TRAPPC2: variants seen among roughly 807,000 people sequenced by gnomAD.
TRAPPC2 encodes sedlin.
Under a neutral mutation model 10.0 loss-of-function variants are expected in TRAPPC2, and 4 were observed. The ratio of observed to expected loss-of-function variants is 0.40; its 90% CI spans 0.20 to 0.92. The LOEUF (loss-of-function observed/expected upper bound fraction) is 0.92, where lower values mean the gene tolerates loss of function less well. Among genes scored for constraint, TRAPPC2 ranks in the 40% least tolerant of loss-of-function variants. TRAPPC2 has a pLI of 0.35. For synonymous variants in TRAPPC2, 36 were observed against 37.3 expected (o/e 0.97, Z 0.12); for missense variants, 52 against 108.7 (o/e 0.48, Z 2.32).
In TRAPPC2 at chrX:13,715,874, T is replaced by G. The variant is rs759053334; in HGVS notation, c.324+130A>C. 16 of 1,029,676 alleles carry G rather than the reference T, an allele frequency of 1.6e-5. No individual in the cohort carries two copies. The African/African-American group carries it at 2.5e-4, about 16-fold the overall frequency. The allele number at this position is 1,029,676 out of a possible 1,213,427, so 84.9% of individuals were successfully genotyped here. ...TACCTGCGGAGGGAGTTGCCAGAGA[T>G]AGTTCTGATGGGGGAAAGCTAGTCT... On this transcript the variant is annotated intron_variant, in intron 5 of 5. Transcript: ENST00000380579.
Position 13,716,028 on chromosome X carries a change from A to G in TRAPPC2, c.300T>C (p.Thr100=). 5.9e-6 allele frequency: 7 copies of G among 1,192,349 alleles called. No homozygotes were observed. Among genetic ancestry groups the G allele is most frequent in the Non-Finnish European group, 7.9e-6 (7 of 882,664 alleles). The change falls in exon 5 of 6, where the codon ACT becomes ACC. Residue 100 remains threonine, a synonymous_variant. Transcript: ENST00000380579. ...RQEDGIKNFF[T]DVYDLYIKFS... is the part of the protein sequence containing the mutation. ...CCTTTATATATAAATCATAAACATC[A>G]GTAAAGAAGTTCTTTATTCCATCTT...
rs773232484 is a variant in TRAPPC2, at chrX:13,729,366, A to G, written c.-20+4678T>C. ...TCAAACTATACTACAAGGCTACAGT[A>G]ACCAAAACAGCATGGTACTGGTACC... is the stretch of plus-strand genomic sequence containing the variant. On this transcript the variant is annotated intron_variant, in intron 2 of 5. Transcript: ENST00000380579. Among the ~76,000 whole-genome samples the G allele has an allele frequency of 7.1e-5, 8 of 112,271 alleles. No individual in the cohort carries two copies. In the South Asian group the frequency reaches 2.6e-3, roughly 36 times the overall value.
In TRAPPC2 at chrX:13,712,397, A is replaced by G. The variant is rs2046230902; in HGVS notation, c.*2010T>C. 1.8e-5 allele frequency: 2 copies of G among 112,444 alleles called. No individual in the cohort carries two copies. The highest frequency in any genetic ancestry group is 9.4e-5 in the Admixed American group (1 of 10,599). The allele number at this position is 112,444 out of a possible 1,213,427, so 9.3% of individuals were successfully genotyped here. On this transcript the variant is annotated 3_prime_UTR_variant, in exon 6 of 6. Coordinates refer to ENST00000380579, the MANE Select transcript of TRAPPC2 (RefSeq NM_001011658.4). ...GCTCCCAATTAGCACAGGCTGTATT[A>G]CTTGCTTTTCAATGGACATTTACTA...
rs777240291 is a variant in TRAPPC2, at chrX:13,713,861, C to T, written c.*546G>A. 3.4e-4 allele frequency: 37 copies of T among 107,875 alleles called. No homozygotes were observed. The highest frequency in any genetic ancestry group is 1.2e-3 in the African/African-American group (36 of 29,604). The allele number at this position is 107,875 out of a possible 1,213,427, so 8.9% of individuals were successfully genotyped here. ...TCCCAATTTTTAAGTAAAAATATTT[C>T]ATGGTTGGGCACGGTGGCTCACGCC... is the stretch of plus-strand genomic sequence containing the variant. On this transcript the variant is annotated 3_prime_UTR_variant, in exon 6 of 6. Transcript: ENST00000380579.
At chrX:13,732,570 G>C (rs2046698371) in intron 2 of TRAPPC2, among the ~76,000 whole-genome samples, 1 of 112,534 alleles carries the variant, frequency 8.9e-6, no homozygotes, top group South Asian at 3.6e-4. Flanking sequence ...TATGAATTTG[G>C]GGAAGTGCAG....
rs2046231945 is a variant in TRAPPC2 at position 13,712,565 on chromosome X, A to G, written c.*1842T>C. The G allele has an allele frequency of 9.0e-6, 1 of 111,684 alleles. No homozygotes were observed. Among genetic ancestry groups the G allele is most frequent in the African/African-American group, 3.2e-5 (1 of 30,840 alleles). 9.2% of individuals were successfully genotyped at this position (111,684 alleles called of 1,213,427 possible). A position where few individuals can be genotyped will look rare whatever the true frequency, so the allele number is the denominator to read the frequency against. ...ACTAAAAATTGCCTTACAATTTTTT[A>G]CAAGTACGAGTATCAACAGTTTACT... On this transcript the variant is annotated 3_prime_UTR_variant, in exon 6 of 6. Coordinates refer to ENST00000380579, the MANE Select transcript of TRAPPC2 (RefSeq NM_001011658.4).
chrX:13,720,834 T>C (rs998608708), intron 2 of TRAPPC2: 1 of 110,637 alleles, frequency 9.0e-6, no homozygotes, highest in Non-Finnish European at 1.9e-5. Context: ...GAGACCAGCC[T>C]GGGCAACATG....
At chrX:13,730,040 G>A (rs1050534910) in intron 2 of TRAPPC2, among the ~76,000 whole-genome samples, 1 of 111,931 alleles carries the variant, frequency 8.9e-6, no homozygotes, top group Non-Finnish European at 1.9e-5. Context: ...AACACCAAAA[G>A]CAATGACAAC....
intron 2 of TRAPPC2, among the ~76,000 whole-genome samples, chrX:13,729,164 C>T (rs1407003610): frequency 9.0e-6 from 1 of 111,518 alleles, no homozygotes; most frequent in Non-Finnish European, 1.9e-5. Context: ...TGAAAATGGC[C>T]ATACTGCCCA....
intron 2 of TRAPPC2, among the ~76,000 whole-genome samples, chrX:13,722,803 C>T (rs192879776): frequency 0.014 from 1,604 of 111,633 alleles, 29 homozygotes; most frequent in African/African-American, 0.049. Flanking sequence ...GTGGCTCACG[C>T]CTGTAATCCC....
In TRAPPC2 at chrX:13,713,452, AAAAAAC is replaced by A. The variant is rs1183324705; in HGVS notation, c.*949_*954del. 1 of 106,932 alleles carries A rather than the reference AAAAAAC, an allele frequency of 9.4e-6. No individual in the cohort carries two copies. The highest frequency in any genetic ancestry group is 3.4e-5 in the African/African-American group (1 of 29,196). The allele number at this position is 106,932 out of a possible 1,213,427, so 8.8% of individuals were successfully genotyped here. On this transcript the variant is annotated 3_prime_UTR_variant, in exon 6 of 6. Transcript: ENST00000380579. ...ACAACAGGAGCAAGACTCCATCTCA[AAAAAAC>A]AAAAAACAAAAAACAAAAACAAAAA...
chrX:13,726,366 C>T (rs752657030), intron 2 of TRAPPC2, among the ~76,000 whole-genome samples: 2 of 111,926 alleles, frequency 1.8e-5, no homozygotes, highest in Admixed American at 9.5e-5. Context: ...AGAGAAAGGT[C>T]GGGTTACCCA....
intron 2 of TRAPPC2, among the ~76,000 whole-genome samples, chrX:13,729,728 G>A (rs760012961): frequency 9.0e-6 from 1 of 111,288 alleles, no homozygotes; most frequent in East Asian, 2.8e-4. Context: ...GACCAACATG[G>A]AGAAACCCCG....
At chrX:13,722,442 T>C (rs1023451221) in intron 2 of TRAPPC2, among the ~76,000 whole-genome samples, 1 of 110,647 alleles carries the variant, frequency 9.0e-6, no homozygotes, top group Non-Finnish European at 1.9e-5. Flanking sequence ...GACAGAGCTT[T>C]CTTTATATAC....
intron 2 of TRAPPC2, among the ~76,000 whole-genome samples, chrX:13,727,557 C>G (rs1320273517): frequency 1.8e-5 from 2 of 112,050 alleles, no homozygotes; most frequent in African/African-American, 6.5e-5. Context: ...CCAAAGAAAA[C>G]AAAGACACAA....
chrX:13,730,491 T>C lies in TRAPPC2; in HGVS notation c.-20+3553A>G, dbSNP rs1229552161. 3.6e-5 allele frequency among the ~76,000 whole-genome samples: 4 copies of C among 111,885 alleles called. No homozygotes were observed. The Admixed American group carries it at 3.8e-4, about 11-fold the overall frequency. On this transcript the variant is annotated intron_variant, in intron 2 of 5. Transcript: ENST00000380579. ...GTGGGAGTGTAAATTAGTTCAATCA[T>C]TGTGGAAGACAGTGTGGCGATTCCT...
Position 13,717,052 on chromosome X carries a change from A to C in TRAPPC2, c.94-374T>G, listed in dbSNP as rs890127439. 3.9e-3 allele frequency among the ~76,000 whole-genome samples: 409 copies of C among 105,243 alleles called. 2 individuals are homozygous for C. The highest frequency in any genetic ancestry group is 7.2e-3 in the South Asian group (17 of 2,355). The allele number at this position is 105,243 out of a possible 115,157, so 91.4% of individuals were successfully genotyped here. A position where few individuals can be genotyped will look rare whatever the true frequency, so the allele number is the denominator to read the frequency against. On this transcript the variant is annotated intron_variant, in intron 3 of 5. Transcript: ENST00000380579. The stretch of plus-strand genomic sequence containing the variant: ...ACTATGTTAAAAAAAAAAAAAAAAA[A>C]AAAAAAAAAAAACAAGATCCTGTGG...
At chrX:13,730,205 G>T (rs1359729632) in intron 2 of TRAPPC2, among the ~76,000 whole-genome samples, 2 of 106,946 alleles carry the variant, frequency 1.9e-5, no homozygotes, top group East Asian at 5.8e-4. Context: ...AATCTACAAA[G>T]AACTCAAACA....
At chrX:13,716,435 G>A (rs2046287513) in intron 4 of TRAPPC2, 99 bp downstream of exon 4, 3 of 1,026,634 alleles carry the variant, frequency 2.9e-6, no homozygotes, top group Non-Finnish European at 4.1e-6. Flanking sequence ...ACCTGACTGT[G>A]AAGTCTACAG....
Sources: allele counts gnomAD v4.1 joint callset (sites outside exome capture counted in the v4.1 genomes callset), GRCh38; gene constraint gnomAD v4.1.1; transcripts MANE v1.5; gene names NCBI Gene and HGNC (gene_info 2026-07-23, HGNC 2026-07-21).